Variants in TTLL5 observed in about 807,000 individuals in gnomAD.
TTLL5 encodes the protein tubulin polyglutamylase TTLL5.
TTLL5 carries 132 observed loss-of-function variants against 168.4 expected under a neutral mutation model. The observed-to-expected ratio is 0.78, with a 90% CI of 0.68 to 0.91. The LOEUF (loss-of-function observed/expected upper bound fraction) is 0.91, where lower values mean the gene tolerates loss of function less well. Ranked by LOEUF, TTLL5 falls within the 40% of genes least tolerant of loss-of-function variation. TTLL5 has a pLI of 0.00. For synonymous variants in TTLL5, 546 were observed against 558.6 expected, an observed-to-expected ratio of 0.98 and a Z score of 0.32; for missense variants, 1,545 against 1,581.5, an observed-to-expected ratio of 0.98 and a Z score of 0.39.
chr14:75,690,096 G>T, intron 5 of TTLL5, 96 bp from the exon 6 acceptor site: 1 of 1,362,460 alleles, frequency 7.3e-7, no homozygotes, highest in Non-Finnish European at 1.0e-6. Context: ...TCACTAACCG[G>T]TCTAGGACTG....
Position 75,938,744 on chromosome 14 carries a change from G to T in TTLL5, c.3824-15680G>T, listed in dbSNP as rs2034505656. On this transcript the variant is annotated intron_variant, in intron 31 of 31. Coordinates refer to ENST00000298832, the MANE Select transcript of TTLL5 (RefSeq NM_015072.5). ...ATGATCAGTTTTGGGGAGGCTGAAG[G>T]CACAGTAGTTCAGAGATGCTTACAG... 1.3e-5 allele frequency among the ~76,000 whole-genome samples: 2 copies of T among 152,120 alleles called. 1 individual carries two copies. Among genetic ancestry groups the T allele is most frequent in the South Asian group, 4.1e-4 (2 of 4,824 alleles).
At chr14:75,789,146 C>T (rs910024888) in intron 26 of TTLL5, among the ~76,000 whole-genome samples, 3 of 152,252 alleles carry the variant, frequency 2.0e-5, no homozygotes, top group Non-Finnish European at 2.9e-5. Context: ...AGCCTAAATA[C>T]GGAAATGTTG....
intron 21 of TTLL5, among the ~76,000 whole-genome samples, chr14:75,775,037 T>C (rs1458471503): frequency 6.6e-6 from 1 of 151,874 alleles, no homozygotes; most frequent in African/African-American, 2.4e-5. Context: ...CTTTTTTTTT[T>C]TTTTTCCTGA....
At chr14:75,737,136 G>T (rs1475441754) in intron 15 of TTLL5, among the ~76,000 whole-genome samples, 3 of 152,160 alleles carry the variant, frequency 2.0e-5, no homozygotes, top group Non-Finnish European at 4.4e-5. Flanking sequence ...AGCTTTATTG[G>T]CAACTCTTTG....
chr14:75,836,838 C>T (rs1001359484), intron 28 of TTLL5, among the ~76,000 whole-genome samples: 3 of 152,006 alleles, frequency 2.0e-5, no homozygotes, highest in East Asian at 1.9e-4. Flanking sequence ...TGTTGTAATC[C>T]AGTGATAGAC....
intron 2 of TTLL5, among the ~76,000 whole-genome samples, chr14:75,663,462 G>A (rs1890883993): frequency 2.0e-5 from 3 of 152,174 alleles, no homozygotes; most frequent in African/African-American, 7.2e-5. Context: ...GGGCCCATAA[G>A]TGAACATCAG....
intron 28 of TTLL5, among the ~76,000 whole-genome samples, chr14:75,855,878 C>T (rs1019768104): frequency 6.6e-6 from 1 of 152,050 alleles, no homozygotes; most frequent in African/African-American, 2.4e-5. Flanking sequence ...TCACAATATC[C>T]AGGATACAAT....
chr14:75,811,626 C>T lies in TTLL5; in HGVS notation c.3172-8381C>T, dbSNP rs558142088. Among the ~76,000 whole-genome samples the T allele has an allele frequency of 7.9e-5, 12 of 152,290 alleles. No homozygotes were observed. In the South Asian group the frequency reaches 1.5e-3, roughly 18 times the overall value. On this transcript the variant is annotated intron_variant, in intron 27 of 31. Transcript: ENST00000298832. The stretch of plus-strand genomic sequence containing the variant: ...GGGAAGGGCCACGTTTTTATCTGCA[C>T]ATGCGTTAGCGCTTTCCTCAAGGCT...
chr14:75,904,498 C>A (rs1348190540), intron 31 of TTLL5, among the ~76,000 whole-genome samples: 1 of 152,134 alleles, frequency 6.6e-6, no homozygotes, highest in African/African-American at 2.4e-5. Context: ...TCCAGCTGAG[C>A]CAGTTGGAAA....
chr14:75,766,240 A>T lies in TTLL5; in HGVS notation c.1887A>T (p.Thr629=). 1 of 1,614,090 alleles carries T rather than the reference A, an allele frequency of 6.2e-7. No individual in the cohort carries two copies. The highest frequency in any genetic ancestry group is 8.5e-7 in the Non-Finnish European group (1 of 1,179,986). The change falls in exon 20 of 32, where the codon ACA becomes ACT. Residue 629 remains threonine (T), a synonymous_variant. Coordinates refer to ENST00000298832, the MANE Select transcript of TTLL5 (RefSeq NM_015072.5). ...TPSLTALVEN[T]PKENSMKVRE... is the part of the protein sequence containing the mutation. ...CATTGACAGCTTTGGTAGAAAATAC[A>T]CCCAAAGAAAATTCCATGAAAGTTC...
At chr14:75,715,547 G>A (rs1034423189) in intron 9 of TTLL5, among the ~76,000 whole-genome samples, 1 of 152,128 alleles carries the variant, frequency 6.6e-6, no homozygotes, top group African/African-American at 2.4e-5. Context: ...TCTTACTGGG[G>A]TAGGAGGAAA....
intron 27 of TTLL5, among the ~76,000 whole-genome samples, chr14:75,818,882 TCTC>T (rs1325036502): frequency 2.6e-5 from 4 of 152,224 alleles, no homozygotes; most frequent in Non-Finnish European, 5.9e-5. Flanking sequence ...GCCATTTAGA[TCTC>T]CTTTTTCAGT....
At chr14:75,873,938 G>T (rs1416345789) in intron 29 of TTLL5, among the ~76,000 whole-genome samples, 1 of 152,134 alleles carries the variant, frequency 6.6e-6, no homozygotes, top group African/African-American at 2.4e-5. Context: ...GGCTCATTAA[G>T]TATTAATTAG....
At chr14:75,873,794 T>A (rs2031240768) in intron 29 of TTLL5, among the ~76,000 whole-genome samples, 1 of 152,116 alleles carries the variant, frequency 6.6e-6, no homozygotes, top group Non-Finnish European at 1.5e-5. Flanking sequence ...TACAAATATC[T>A]CTTATGTATA....
chr14:75,780,079 GA>G (rs1217249317), intron 24 of TTLL5, among the ~76,000 whole-genome samples: 1 of 152,176 alleles, frequency 6.6e-6, no homozygotes, highest in Non-Finnish European at 1.5e-5. Context: ...AAAAGAGACT[GA>G]GTAACTTGCC....
chr14:75,937,520 T>C (rs1351177831), intron 31 of TTLL5, among the ~76,000 whole-genome samples: 1 of 152,130 alleles, frequency 6.6e-6, no homozygotes, highest in Non-Finnish European at 1.5e-5. Flanking sequence ...CAATAACTCC[T>C]CATTCCCTTT....
chr14:75,882,671 T>C lies in TTLL5; in HGVS notation c.3523-14T>C, dbSNP rs78057446. The C allele has an allele frequency of 8.8e-7, 1 of 1,136,772 alleles. No homozygotes were observed. Among genetic ancestry groups the C allele is most frequent in the Non-Finnish European group, 1.2e-6 (1 of 825,432 alleles). The allele number at this position is 1,136,772 out of a possible 1,614,324, so 70.4% of individuals were successfully genotyped here. A position where few individuals can be genotyped will look rare whatever the true frequency, so the allele number is the denominator to read the frequency against. On this transcript the variant is annotated splice_polypyrimidine_tract_variant and intron_variant, in intron 29 of 31. Transcript: ENST00000298832. ...TGATGTCCATCGATCATTTTTTTCC[T>C]TTTTTTTTTGTAGGCAATCTTTGGC...
intron 9 of TTLL5, among the ~76,000 whole-genome samples, chr14:75,714,426 T>C (rs1358869647): frequency 2.0e-5 from 3 of 152,204 alleles, no homozygotes; most frequent in African/African-American, 7.2e-5. Context: ...TTTCTTGCCT[T>C]AATGAATTAT....
intron 17 of TTLL5, among the ~76,000 whole-genome samples, chr14:75,748,940 T>G (rs1208249895): frequency 1.3e-5 from 2 of 152,206 alleles, no homozygotes; most frequent in African/African-American, 4.8e-5. Flanking sequence ...ATGTTCGTGG[T>G]TCTAAGTATA....
Sources: allele counts gnomAD v4.1 joint callset (sites outside exome capture counted in the v4.1 genomes callset), GRCh38; gene constraint gnomAD v4.1.1; transcripts MANE v1.5; gene names NCBI Gene and HGNC (gene_info 2026-07-23, HGNC 2026-07-21).